ALPK3: variants seen among roughly 807,000 people sequenced by gnomAD.
The protein encoded by ALPK3 is alpha-protein kinase 3.
In ALPK3, 102 loss-of-function variants were observed where a neutral mutation model predicts 140.0. The ratio of observed to expected loss-of-function variants is 0.73; its 90% confidence interval spans 0.62 to 0.86. ALPK3 has a LOEUF of 0.86. Ranked by LOEUF, ALPK3 falls within the 40% of genes least tolerant of loss-of-function variation. The pLI is 0.00. For missense variants in ALPK3, 2,254 were observed against 2,208.2 expected (o/e 1.02, Z -0.42); for synonymous variants, 938 against 898.5 (o/e 1.04, Z -0.79).
Position 84,863,735 on chromosome 15 carries a change from C to G in ALPK3, c.4499+95C>G, listed in dbSNP as rs1963974402. The G allele has an allele frequency of 5.7e-6, 7 of 1,229,344 alleles. No individual in the cohort carries two copies. In the South Asian group the frequency reaches 5.9e-5, roughly 10 times the overall value. The allele number at this position is 1,229,344 out of a possible 1,614,324, so 76.2% of individuals were successfully genotyped here. A position where few individuals can be genotyped will look rare whatever the true frequency, so the allele number is the denominator to read the frequency against. On this transcript the variant is annotated intron_variant, in intron 11 of 13. Transcript: ENST00000258888. ...TTCACAGCCTCCCAGGGGCATCCTG[C>G]GTTATGCCCATGTGCAAATAGGCTC...
rs1963744227 is a variant in ALPK3, at chr15:84,847,301, A to G, written c.1653+6369A>G. ...CTCAGAGACTTGGAGTGCTGTATCA[A>G]AAAGTCTAACATTTGTGTCACTGGA... On this transcript the variant is annotated intron_variant, in intron 5 of 13. Transcript: ENST00000258888. Among the ~76,000 whole-genome samples the G allele has an allele frequency of 2.0e-5, 3 of 151,958 alleles. No homozygotes were observed. The South Asian group carries it at 6.2e-4, about 32-fold the overall frequency.
In ALPK3 at chr15:84,839,007, A is replaced by G; in HGVS notation, c.332A>G (p.Tyr111Cys). ...TGYPEPEVTW[Y>C]KDDTELDRYC... ...TACCCAGAGCCAGAGGTGACCTGGT[A>G]CAAGGATGATACGGAGCTGGACCGC... is the stretch of plus-strand genomic sequence containing the variant. The change falls in exon 4 of 14, where the codon TAC (tyrosine) becomes TGC (cysteine). Residue 111 changes from tyrosine (Y) to cysteine (C), a missense_variant. This residue lies in a region of ALPK3 where 2,088 missense variants were observed against 2,022.9 expected (regional missense o/e 1.03). Coordinates refer to ENST00000258888, the MANE Select transcript of ALPK3 (RefSeq NM_020778.5). The G allele has an allele frequency of 6.2e-7, 1 of 1,614,138 alleles. No individual in the cohort carries two copies. Among genetic ancestry groups the G allele is most frequent in the Non-Finnish European group, 8.5e-7 (1 of 1,179,976 alleles).
chr15:84,841,117 G>A (rs894793705), intron 5 of ALPK3, among the ~76,000 whole-genome samples, 185 bp downstream of exon 5: 2 of 152,366 alleles, frequency 1.3e-5, no homozygotes, highest in East Asian at 3.9e-4. Context: ...CAGATGCCAG[G>A]CATGTGGGCA....
chr15:84,856,278 A>G (rs890044007), intron 5 of ALPK3, 114 bp from the exon 6 acceptor site: 3 of 1,451,238 alleles, frequency 2.1e-6, no homozygotes, highest in Non-Finnish European at 2.8e-6. Context: ...ACCAGGAGGC[A>G]AGATTCCCAT....
chr15:84,854,495 C>G (rs1233267997), intron 5 of ALPK3, among the ~76,000 whole-genome samples: 1 of 152,126 alleles, frequency 6.6e-6, no homozygotes, highest in African/African-American at 2.4e-5. Flanking sequence ...CTATGTTAGC[C>G]AGAGTGGTCT....
intron 3 of ALPK3, among the ~76,000 whole-genome samples, chr15:84,828,735 C>T (rs1416698563): frequency 1.3e-5 from 2 of 152,216 alleles, no homozygotes; most frequent in Non-Finnish European, 2.9e-5. Context: ...TTTCCATTGT[C>T]ATTGCATTCT....
In ALPK3 at chr15:84,868,387, A is replaced by G. The variant is rs544957782; in HGVS notation, c.5049A>G (p.Pro1683=). The G allele has an allele frequency of 3.7e-6, 6 of 1,613,708 alleles. No homozygotes were observed. Among genetic ancestry groups the G allele is most frequent in the South Asian group, 2.2e-5 (2 of 91,092 alleles). ...AGGCCACCCCTCAGGCCTCAGAGCCAGTCACCACTCAGTTGTTGGGACAGC... is the reference window on the plus strand; with the variant it reads ...AGGCCACCCCTCAGGCCTCAGAGCCGGTCACCACTCAGTTGTTGGGACAGC... ...SSKATPQASE[P]VTTQLLGQPP... is the part of the protein sequence containing the mutation. The change falls in exon 14 of 14, where the codon CCA becomes CCG. Residue 1683 remains proline, a synonymous_variant. Coordinates refer to ENST00000258888, the MANE Select transcript of ALPK3 (RefSeq NM_020778.5).
intron 3 of ALPK3, among the ~76,000 whole-genome samples, chr15:84,830,519 C>A (rs972915678): frequency 6.6e-6 from 1 of 152,222 alleles, no homozygotes; most frequent in African/African-American, 2.4e-5. Flanking sequence ...GCATCTGGTA[C>A]ACAGTTACCA....
At chr15:84,851,936 T>C (rs1470099135) in intron 5 of ALPK3, among the ~76,000 whole-genome samples, 1 of 152,208 alleles carries the variant, frequency 6.6e-6, no homozygotes, top group East Asian at 1.9e-4. Flanking sequence ...TAATGCCAAA[T>C]TGCCGTCTGT....
Position 84,840,347 on chromosome 15 carries a change from G to T in ALPK3, c.1068G>T (p.Gly356=). Residue 356 remains glycine, a synonymous_variant, in exon 5 of 14, where the codon GGG becomes GGT. Transcript: ENST00000258888. ...GCTCAGACGAGCCTGACTCCTGTGG[G>T]ACTCAGGGGCCCGTGGGCGTGGAGC... ...IPSSDEPDSC[G]TQGPVGVEQV... 1.2e-6 allele frequency: 2 copies of T among 1,613,686 alleles called. No individual in the cohort carries two copies. Among genetic ancestry groups the T allele is most frequent in the South Asian group, 2.2e-5 (2 of 91,012 alleles).
chr15:84,839,664 A>T, intron 4 of ALPK3, 38 bp from the exon 5 acceptor site: 1 of 1,552,510 alleles, frequency 6.4e-7, no homozygotes, highest in African/African-American at 1.4e-5. Context: ...CTCACCTCCC[A>T]GGAGGGGAGA....
Position 84,858,047 on chromosome 15 carries a change from G to C in ALPK3, c.3309G>C (p.Leu1103=). 6.4e-7 allele frequency: 1 copy of C among 1,569,984 alleles called. No individual in the cohort carries two copies. Among genetic ancestry groups the C allele is most frequent in the East Asian group, 2.3e-5 (1 of 44,444 alleles). ...GEVSPEGPGL[L]GASQESSMAG... is the part of the protein sequence containing the mutation. ...TTTCCCCTGAGGGGCCTGGCCTCCT[G>C]GGGGCCTCTCAGGAGAGCAGCATGG... Residue 1103 remains leucine (L), a synonymous_variant, in exon 6 of 14, where the codon CTG becomes CTC. Coordinates refer to ENST00000258888, the MANE Select transcript of ALPK3 (RefSeq NM_020778.5).
chr15:84,857,054 G>T lies in ALPK3; in HGVS notation c.2316G>T (p.Leu772=). The T allele has an allele frequency of 6.2e-7, 1 of 1,614,160 alleles. No individual in the cohort carries two copies. Among genetic ancestry groups the T allele is most frequent in the Non-Finnish European group, 8.5e-7 (1 of 1,180,020 alleles). Residue 772 remains leucine, a synonymous_variant, in exon 6 of 14, where the codon CTG becomes CTT. Transcript: ENST00000258888. The part of the protein sequence containing the change: ...GSCFPKKPGC[L]PRSEEAVVTA... ...GTTTCCCAAAAAAACCTGGTTGCCT[G>T]CCCAGATCTGAGGAGGCAGTAGTAA... is the stretch of plus-strand genomic sequence containing the variant.
Position 84,850,879 on chromosome 15 carries a change from T to TACACACAC in ALPK3, c.1654-5484_1654-5477dup, listed in dbSNP as rs4040516. Among the ~76,000 whole-genome samples, 1,388 of 142,456 alleles carry TACACACAC rather than the reference T, an allele frequency of 9.7e-3. 6 individuals are homozygous for TACACACAC. Among genetic ancestry groups the TACACACAC allele is most frequent in the African/African-American group, 0.023 (861 of 37,138 alleles). The allele number at this position is 142,456 out of a possible 152,430, so 93.5% of individuals were successfully genotyped here. On this transcript the variant is annotated intron_variant, in intron 5 of 13. Transcript: ENST00000258888. ...TCATATCTTTACACAGTTCCAGATA[T>TACACACAC]ACACACACACACACACACACACACA...
intron 5 of ALPK3, among the ~76,000 whole-genome samples, chr15:84,848,495 A>G (rs1028320393): frequency 1.3e-5 from 2 of 152,208 alleles, no homozygotes; most frequent in Non-Finnish European, 1.5e-5. Context: ...TACGTAAGTT[A>G]AAGTGGAATA....
chr15:84,860,189 A>G, intron 9 of ALPK3, 117 bp downstream of exon 9: 2 of 1,277,812 alleles, frequency 1.6e-6, no homozygotes, highest in Non-Finnish European at 2.2e-6. Context: ...TTTGCCTCTT[A>G]GTTTAGGATA....
rs919905585 is a variant in ALPK3, at chr15:84,847,222, A to G, written c.1653+6290A>G. Among the ~76,000 whole-genome samples, 52 of 149,270 alleles carry G rather than the reference A, an allele frequency of 3.5e-4. 1 individual carries two copies. Among genetic ancestry groups the G allele is most frequent in the African/African-American group, 1.0e-3 (41 of 40,826 alleles). ...GGGAGAAACGGGGAGAGAGAGAGAG[A>G]GAGAGAGAGAGAGAGAGAGAGAGAG... On this transcript the variant is annotated intron_variant, in intron 5 of 13. Transcript: ENST00000258888.
At position 84,858,352 on chromosome 15, in the gene ALPK3, C is replaced by T; in HGVS notation, c.3614C>T (p.Pro1205Leu). 6.4e-7 allele frequency: 1 copy of T among 1,554,998 alleles called. No homozygotes were observed. The highest frequency in any genetic ancestry group is 2.4e-5 in the East Asian group (1 of 41,324). The part of the protein sequence containing the change: ...GPRKSLVPGS[P>L]GTPGRERRSP... ...AGGAAAAGCCTGGTGCCTGGGTCCC[C>T]AGGGACTCCAGGGCGGGAGAGACGC... Residue 1205 changes from proline to leucine, a missense_variant, in exon 6 of 14, where the codon CCA becomes CTA. Coordinates refer to ENST00000258888, the MANE Select transcript of ALPK3 (RefSeq NM_020778.5).
chr15:84,822,226 C>A (rs139692736), intron 1 of ALPK3, among the ~76,000 whole-genome samples: 1 of 152,016 alleles, frequency 6.6e-6, no homozygotes, highest in African/African-American at 2.4e-5. Flanking sequence ...AAGAATTGTG[C>A]GGACTGGATT....
Sources: gnomAD v4.1 joint callset for allele counts (sites outside exome capture counted in the v4.1 genomes callset) on GRCh38, gnomAD v4.1.1 for gene constraint, gnomAD v4.1.1 regional missense constraint, MANE v1.5 for transcripts, NCBI Gene and HGNC (gene_info 2026-07-23, HGNC 2026-07-21) for gene names.